B3GALT4: variants seen among roughly 807,000 people sequenced by gnomAD.
The protein encoded by B3GALT4 is UDP-Gal:betaGlcNAc beta 1,3-galactosyltransferase 4.
In B3GALT4, 1 loss-of-function variant was observed where a neutral mutation model predicts 1.6. That is an observed-to-expected ratio of 0.64 (90% CI 0.23 to 3.05). The LOEUF is 3.05. B3GALT4 is among the 30% of genes most tolerant of loss of function. The pLI, the probability that B3GALT4 is intolerant of heterozygous loss-of-function variation, is 0.21. For synonymous variants in B3GALT4, 259 were observed against 222.6 expected (o/e 1.16, Z -1.46); for missense variants, 441 against 486.9 (o/e 0.91, Z 0.89).
rs754821835 is a variant in B3GALT4 at position 33,277,445 on chromosome 6, T to G, written c.26T>G (p.Leu9Arg). 5.0e-6 allele frequency: 8 copies of G among 1,612,060 alleles called. No individual in the cohort carries two copies. The highest frequency in any genetic ancestry group is 1.9e-4 in the Middle Eastern group (1 of 5,318). MQLRLFRR[L>R]LLAALLLVIV... ...ATGCAGCTCAGGCTCTTCCGGCGCC[T>G]CCTTCTCGCCGCTTTGCTGCTGGTG... is the stretch of plus-strand genomic sequence containing the variant. Residue 9 changes from leucine (L) to arginine (R), a missense_variant, in exon 1 of 1, where the codon CTC becomes CGC. Physicochemically the swap from Leu to Arg is moderately radical, Grantham distance 102. Transcript: ENST00000451237. This position sits in a 1 kb window ranked among gnomAD's most constrained non-coding sequence, Gnocchi z 5.3.
rs1317377839 is a variant in B3GALT4 at position 33,277,673 on chromosome 6, A to G, written c.254A>G (p.Asn85Ser). ...ILVCTAPENL[N>S]QRNAIRASWG... ...GTGTGCACGGCTCCGGAGAACCTGAACCAGAGAAACGCCATTCGGGCTTCG... is the reference window on the plus strand; with the variant it reads ...GTGTGCACGGCTCCGGAGAACCTGAGCCAGAGAAACGCCATTCGGGCTTCG... The change falls in exon 1 of 1, where the codon AAC becomes AGC. Residue 85 changes from asparagine to serine, a missense_variant. Asn to Ser is a conservative substitution (Grantham distance 46, BLOSUM62 1). Coordinates refer to ENST00000451237, the MANE Select transcript of B3GALT4 (RefSeq NM_003782.4). This position sits in a 1 kb window ranked among gnomAD's most constrained non-coding sequence, Gnocchi z 5.3. 1.2e-6 allele frequency: 2 copies of G among 1,613,846 alleles called. No individual in the cohort carries two copies. The highest frequency in any genetic ancestry group is 1.7e-6 in the Non-Finnish European group (2 of 1,179,986).
At position 33,278,753 on chromosome 6, in the gene B3GALT4, A is replaced by G; in HGVS notation, c.*197A>G. 1 of 1,005,080 alleles carries G rather than the reference A, an allele frequency of 9.9e-7. No individual in the cohort carries two copies. Among genetic ancestry groups the G allele is most frequent in the Middle Eastern group, 3.5e-4 (1 of 2,858 alleles). The allele number at this position is 1,005,080 out of a possible 1,614,324, so 62.3% of individuals were successfully genotyped here. A position where few individuals can be genotyped will look rare whatever the true frequency, so the allele number is the denominator to read the frequency against. ...GTCATCGGGAAGAGAAAAAGAAAAA[A>G]ATGCTGCAGTTGTTCTCTCAAGCTA... On this transcript the variant is annotated 3_prime_UTR_variant, in exon 1 of 1. Transcript: ENST00000451237. This position sits in a 1 kb window ranked among gnomAD's most constrained non-coding sequence, Gnocchi z 5.2.
chr6:33,278,459 G>T lies in B3GALT4; in HGVS notation c.1040G>T (p.Gly347Val). ...WKMQEAWKLVGGSDGERTAPF... is the reference protein window; with the variant it reads ...WKMQEAWKLVVGSDGERTAPF... ...ATGCAGGAAGCCTGGAAGCTGGTGG[G>T]TGGCTCTGACGGGGAAAGGACTGCG... is the stretch of plus-strand genomic sequence containing the variant. The change falls in exon 1 of 1, where the codon GGT becomes GTT. Residue 347 changes from glycine to valine, a missense_variant. Coordinates refer to ENST00000451237, the MANE Select transcript of B3GALT4 (RefSeq NM_003782.4). The surrounding 1 kb of genome is among the most constrained non-coding windows in gnomAD (Gnocchi z 5.2). 6.2e-7 allele frequency: 1 copy of T among 1,610,952 alleles called. No homozygotes were observed. Among genetic ancestry groups the T allele is most frequent in the Non-Finnish European group, 8.5e-7 (1 of 1,178,234 alleles).
Position 33,278,487 on chromosome 6 carries a change from C to G in B3GALT4, c.1068C>G (p.Pro356=). The change falls in exon 1 of 1, where the codon CCC becomes CCG. Residue 356 remains proline (P), a synonymous_variant. Coordinates refer to ENST00000451237, the MANE Select transcript of B3GALT4 (RefSeq NM_003782.4). This position sits in a 1 kb window ranked among gnomAD's most constrained non-coding sequence, Gnocchi z 5.2. ...VGGSDGERTA[P]FCSWFQGVLG... ...GCTCTGACGGGGAAAGGACTGCGCC[C>G]TTTTGCTCCTGGTTCCAGGGAGTCC... The G allele has an allele frequency of 1.3e-6, 2 of 1,592,630 alleles. No homozygotes were observed. The highest frequency in any genetic ancestry group is 2.2e-5 in the East Asian group (1 of 44,692).
At position 33,277,580 on chromosome 6, in the gene B3GALT4, C is replaced by G; in HGVS notation, c.161C>G (p.Pro54Arg). Residue 54 changes from proline (P) to arginine (R), a missense_variant, in exon 1 of 1, where the codon CCC becomes CGC. Transcript: ENST00000451237. The surrounding 1 kb of genome is among the most constrained non-coding windows in gnomAD (Gnocchi z 5.3). ...PASPGPPLAL[P>R]RLLIPNQEAC... ...TCACCGGGGCCGCCCCTGGCCCTGC[C>G]CCGCCTCTTGATCCCCAACCAGGAA... The G allele has an allele frequency of 1.2e-6, 2 of 1,612,190 alleles. No individual in the cohort carries two copies. Among genetic ancestry groups the G allele is most frequent in the Non-Finnish European group, 1.7e-6 (2 of 1,179,220 alleles).
Position 33,277,285 on chromosome 6 carries a change from G to C in B3GALT4, c.-135G>C, listed in dbSNP as rs921951374. 3.2e-5 allele frequency: 47 copies of C among 1,456,890 alleles called. No homozygotes were observed. Among genetic ancestry groups the C allele is most frequent in the Non-Finnish European group, 4.2e-5 (46 of 1,107,564 alleles). 90.2% of individuals were successfully genotyped at this position (1,456,890 alleles called of 1,614,324 possible). ...TGCACCGCCTCTCCCCGCCCCCCAG[G>C]GTGCGCTGGTCCCGGTCGCGCGCTC... On this transcript the variant is annotated 5_prime_UTR_variant, in exon 1 of 1. Coordinates refer to ENST00000451237, the MANE Select transcript of B3GALT4 (RefSeq NM_003782.4). This position sits in a 1 kb window ranked among gnomAD's most constrained non-coding sequence, Gnocchi z 5.3.
rs1419503242 is a variant in B3GALT4 at position 33,277,480 on chromosome 6, A to T, written c.61A>T (p.Thr21Ser). 1 of 1,612,324 alleles carries T rather than the reference A, an allele frequency of 6.2e-7. No homozygotes were observed. The highest frequency in any genetic ancestry group is 1.1e-5 in the South Asian group (1 of 91,042). ...LAALLLVIVWTLFGPSGLGEE... is the reference protein window; with the variant it reads ...LAALLLVIVWSLFGPSGLGEE... The stretch of plus-strand genomic sequence containing the variant: ...CGCTTTGCTGCTGGTGATCGTCTGG[A>T]CCCTCTTCGGGCCTTCGGGGTTGGG... The change falls in exon 1 of 1, where the codon ACC becomes TCC. Residue 21 changes from threonine (T) to serine (S), a missense_variant. By Grantham distance (58) the Thr-to-Ser change is moderately conservative. Coordinates refer to ENST00000451237, the MANE Select transcript of B3GALT4 (RefSeq NM_003782.4). The surrounding 1 kb of genome is among the most constrained non-coding windows in gnomAD (Gnocchi z 5.3).
chr6:33,278,028 G>A lies in B3GALT4; in HGVS notation c.609G>A (p.Thr203=), dbSNP rs1308044178. The change falls in exon 1 of 1, where the codon ACG becomes ACA. Residue 203 remains threonine (T), a synonymous_variant. Transcript: ENST00000451237. The surrounding 1 kb of genome is among the most constrained non-coding windows in gnomAD (Gnocchi z 5.2). ...GGRWGQWERS[T]EPQREAEQEG... ...GTTGGGGGCAATGGGAGAGAAGCACGGAACCCCAGAGAGAGGCTGAGCAGG... is the reference window on the plus strand; with the variant it reads ...GTTGGGGGCAATGGGAGAGAAGCACAGAACCCCAGAGAGAGGCTGAGCAGG... 67 of 1,613,938 alleles carry A rather than the reference G, an allele frequency of 4.2e-5. No individual in the cohort carries two copies. Among genetic ancestry groups the A allele is most frequent in the Non-Finnish European group, 5.3e-5 (62 of 1,179,980 alleles).
In B3GALT4 at chr6:33,278,559, G is replaced by T. The variant is rs1157105696; in HGVS notation, c.*3G>T. 1.3e-6 allele frequency: 2 copies of T among 1,523,626 alleles called. No individual in the cohort carries two copies. Among genetic ancestry groups the T allele is most frequent in the East Asian group, 4.5e-5 (2 of 44,020 alleles). 94.4% of individuals were successfully genotyped at this position (1,523,626 alleles called of 1,614,324 possible). A position where few individuals can be genotyped will look rare whatever the true frequency, so the allele number is the denominator to read the frequency against. Reference sequence around the variant, plus strand: ...CAATAGCCTGGCTTCAGAGCTGAGAGTGCCTGGGGCCACAGGAAAGGCAGG... The same window carrying T: ...CAATAGCCTGGCTTCAGAGCTGAGATTGCCTGGGGCCACAGGAAAGGCAGG... On this transcript the variant is annotated 3_prime_UTR_variant, in exon 1 of 1. Transcript: ENST00000451237. This position sits in a 1 kb window ranked among gnomAD's most constrained non-coding sequence, Gnocchi z 5.2.
rs1397675077 is a variant in B3GALT4, at chr6:33,277,437, C to G, written c.18C>G (p.Phe6Leu). The G allele has an allele frequency of 1.2e-6, 2 of 1,611,798 alleles. No individual in the cohort carries two copies. Among genetic ancestry groups the G allele is most frequent in the South Asian group, 2.2e-5 (2 of 91,020 alleles). Reference sequence around the variant, plus strand: ...GCCGCACCATGCAGCTCAGGCTCTTCCGGCGCCTCCTTCTCGCCGCTTTGC... The same window carrying G: ...GCCGCACCATGCAGCTCAGGCTCTTGCGGCGCCTCCTTCTCGCCGCTTTGC... MQLRL[F>L]RRLLLAALLL... Residue 6 changes from phenylalanine (F) to leucine (L), a missense_variant, in exon 1 of 1, where the codon TTC becomes TTG. By Grantham distance (22) the Phe-to-Leu change is conservative. Coordinates refer to ENST00000451237, the MANE Select transcript of B3GALT4 (RefSeq NM_003782.4). This position sits in a 1 kb window ranked among gnomAD's most constrained non-coding sequence, Gnocchi z 5.3.
rs976830774 is a variant in B3GALT4, at chr6:33,278,662, C to A, written c.*106C>A. 6.3e-6 allele frequency: 9 copies of A among 1,436,234 alleles called. No homozygotes were observed. The highest frequency in any genetic ancestry group is 1.4e-5 in the African/African-American group (1 of 69,608). The allele number at this position is 1,436,234 out of a possible 1,614,324, so 89.0% of individuals were successfully genotyped here. On this transcript the variant is annotated 3_prime_UTR_variant, in exon 1 of 1. Coordinates refer to ENST00000451237, the MANE Select transcript of B3GALT4 (RefSeq NM_003782.4). The surrounding 1 kb of genome is among the most constrained non-coding windows in gnomAD (Gnocchi z 5.2). ...CTGATCTGTTTCCTTATACCAGATC[C>A]TCAGTCTCACTAAAGACAGCGATAT...
chr6:33,278,639 G>C lies in B3GALT4; in HGVS notation c.*83G>C. 6.7e-7 allele frequency: 1 copy of C among 1,490,080 alleles called. No individual in the cohort carries two copies. The highest frequency in any genetic ancestry group is 8.9e-7 in the Non-Finnish European group (1 of 1,119,182). 92.3% of individuals were successfully genotyped at this position (1,490,080 alleles called of 1,614,324 possible). A position where few individuals can be genotyped will look rare whatever the true frequency, so the allele number is the denominator to read the frequency against. ...GCAGGGGCCCTCACTGGCTGCAGCTGATCTGTTTCCTTATACCAGATCCTC... is the reference window on the plus strand; with the variant it reads ...GCAGGGGCCCTCACTGGCTGCAGCTCATCTGTTTCCTTATACCAGATCCTC... On this transcript the variant is annotated 3_prime_UTR_variant, in exon 1 of 1. Coordinates refer to ENST00000451237, the MANE Select transcript of B3GALT4 (RefSeq NM_003782.4). This position sits in a 1 kb window ranked among gnomAD's most constrained non-coding sequence, Gnocchi z 5.2.
rs1413452599 is a variant in B3GALT4, at chr6:33,277,139, C to A, written c.-281C>A. 1 of 390,156 alleles carries A rather than the reference C, an allele frequency of 2.6e-6. No homozygotes were observed. The highest frequency in any genetic ancestry group is 4.4e-6 in the Non-Finnish European group (1 of 224,878). 24.2% of individuals were successfully genotyped at this position (390,156 alleles called of 1,614,324 possible). A position where few individuals can be genotyped will look rare whatever the true frequency, so the allele number is the denominator to read the frequency against. ...GCGGGCGGCAGACCGGCCGCCGGGG[C>A]GAGGCGGGGGAGGGGCCGTGAGTGC... On this transcript the variant is annotated 5_prime_UTR_variant, in exon 1 of 1. Coordinates refer to ENST00000451237, the MANE Select transcript of B3GALT4 (RefSeq NM_003782.4). This position sits in a 1 kb window ranked among gnomAD's most constrained non-coding sequence, Gnocchi z 5.3.
chr6:33,277,366 G>A lies in B3GALT4; in HGVS notation c.-54G>A, dbSNP rs1252250612. The A allele has an allele frequency of 1.9e-6, 3 of 1,573,306 alleles. No homozygotes were observed. The African/African-American group carries it at 4.1e-5, about 21-fold the overall frequency. On this transcript the variant is annotated 5_prime_UTR_variant, in exon 1 of 1. Coordinates refer to ENST00000451237, the MANE Select transcript of B3GALT4 (RefSeq NM_003782.4). The surrounding 1 kb of genome is among the most constrained non-coding windows in gnomAD (Gnocchi z 5.3). The stretch of plus-strand genomic sequence containing the variant: ...AGTCCCCGGCCGTGACCCAGGCCCG[G>A]GGAGCTAGTCTCCGCCCTTCGCTCT...
In B3GALT4 at chr6:33,277,230, C is replaced by G; in HGVS notation, c.-190C>G. 9.9e-7 allele frequency: 1 copy of G among 1,012,334 alleles called. No homozygotes were observed. The highest frequency in any genetic ancestry group is 1.4e-6 in the Non-Finnish European group (1 of 734,634). 62.7% of individuals were successfully genotyped at this position (1,012,334 alleles called of 1,614,324 possible). ...GGCCGCGGCGACAAGGTAGCCACCCCCGCAGCATGCCTCGACCGCGGTCCG... is the reference window on the plus strand; with the variant it reads ...GGCCGCGGCGACAAGGTAGCCACCCGCGCAGCATGCCTCGACCGCGGTCCG... On this transcript the variant is annotated 5_prime_UTR_variant, in exon 1 of 1. Transcript: ENST00000451237. This position sits in a 1 kb window ranked among gnomAD's most constrained non-coding sequence, Gnocchi z 5.3.
chr6:33,278,737 A>C lies in B3GALT4; in HGVS notation c.*181A>C. 8.8e-7 allele frequency: 1 copy of C among 1,142,108 alleles called. No homozygotes were observed. Among genetic ancestry groups the C allele is most frequent in the Middle Eastern group, 3.2e-4 (1 of 3,102 alleles). 70.7% of individuals were successfully genotyped at this position (1,142,108 alleles called of 1,614,324 possible). A position where few individuals can be genotyped will look rare whatever the true frequency, so the allele number is the denominator to read the frequency against. On this transcript the variant is annotated 3_prime_UTR_variant, in exon 1 of 1. Transcript: ENST00000451237. This position sits in a 1 kb window ranked among gnomAD's most constrained non-coding sequence, Gnocchi z 5.2. The stretch of plus-strand genomic sequence containing the variant: ...GCCAGCCCAAAAGATGGTCATCGGG[A>C]AGAGAAAAAGAAAAAAATGCTGCAG...
At position 33,278,164 on chromosome 6, in the gene B3GALT4, G is replaced by A; in HGVS notation, c.745G>A (p.Glu249Lys). ...TPGGRHRVSE[E>K]QWPHTWGPFP... ...GGGGGGCAGGCACCGCGTATCAGAGGAGCAGTGGCCTCACACCTGGGGCCC... is the reference window on the plus strand; with the variant it reads ...GGGGGGCAGGCACCGCGTATCAGAGAAGCAGTGGCCTCACACCTGGGGCCC... Residue 249 changes from glutamate to lysine, a missense_variant, in exon 1 of 1, where the codon GAG becomes AAG. Coordinates refer to ENST00000451237, the MANE Select transcript of B3GALT4 (RefSeq NM_003782.4). This position sits in a 1 kb window ranked among gnomAD's most constrained non-coding sequence, Gnocchi z 5.2. 2.5e-6 allele frequency: 4 copies of A among 1,613,084 alleles called. No individual in the cohort carries two copies. Among genetic ancestry groups the A allele is most frequent in the South Asian group, 1.1e-5 (1 of 91,084 alleles).
Position 33,278,073 on chromosome 6 carries a change from C to T in B3GALT4, c.654C>T (p.His218=), listed in dbSNP as rs371413904. ...EAEQEGGQVL[H]SEEVPLLYLG... ...AGCAGGAAGGAGGCCAGGTTTTGCA[C>T]AGCGAGGAAGTGCCTCTTCTGTACT... Residue 218 remains histidine (H), a synonymous_variant, in exon 1 of 1, where the codon CAC becomes CAT. Transcript: ENST00000451237. This position sits in a 1 kb window ranked among gnomAD's most constrained non-coding sequence, Gnocchi z 5.2. 2.6e-4 allele frequency: 422 copies of T among 1,613,814 alleles called. No individual in the cohort carries two copies. The highest frequency in any genetic ancestry group is 3.4e-4 in the Non-Finnish European group (396 of 1,179,922).
rs748229218 is a variant in B3GALT4 at position 33,278,339 on chromosome 6, A to G, written c.920A>G (p.Gln307Arg). 3 of 1,609,932 alleles carry G rather than the reference A, an allele frequency of 1.9e-6. No homozygotes were observed. The highest frequency in any genetic ancestry group is 2.5e-6 in the Non-Finnish European group (3 of 1,177,282). The change falls in exon 1 of 1, where the codon CAG becomes CGG. Residue 307 changes from glutamine to arginine, a missense_variant. By Grantham distance (43) the Gln-to-Arg change is conservative. Transcript: ENST00000451237. The surrounding 1 kb of genome is among the most constrained non-coding windows in gnomAD (Gnocchi z 5.2). The part of the protein sequence containing the change: ...SARRGGLAPT[Q>R]CVKLAGATHY... Reference sequence around the variant, plus strand: ...CGACGAGGAGGCCTCGCCCCAACACAGTGTGTCAAGCTGGCTGGTGCCACC... The same window carrying G: ...CGACGAGGAGGCCTCGCCCCAACACGGTGTGTCAAGCTGGCTGGTGCCACC...
Sources: gnomAD v4.1 joint callset for allele counts on GRCh38, gnomAD v4.1.1 for gene constraint, Gnocchi (gnomAD v3.1) non-coding constraint, MANE v1.5 for transcripts, NCBI Gene and HGNC (gene_info 2026-07-23, HGNC 2026-07-21) for gene names.